The following ERBB4 variants were observed in gnomAD, a reference collection of about 807,000 sequenced individuals.
ERBB4 encodes erb-b2 receptor tyrosine kinase 4, also known as receptor tyrosine-protein kinase erbB-4.
ERBB4 carries 42 observed loss-of-function variants against 158.0 expected under a neutral mutation model. The ratio of observed to expected loss-of-function variants is 0.27; its 90% CI spans 0.21 to 0.34. ERBB4 has a LOEUF of 0.34. Ranked by LOEUF, ERBB4 falls within the 10% of genes least tolerant of loss-of-function variation. ERBB4 has a pLI of 1.00. For synonymous variants in ERBB4, 583 were observed against 558.7 expected (o/e 1.04, Z -0.61); for missense variants, 1,333 against 1,624.1 (o/e 0.82, Z 3.08).
chr2:212,296,457 T>A (rs1195381597), intron 1 of ERBB4, among the ~76,000 whole-genome samples: 1 of 151,924 alleles, frequency 6.6e-6, no homozygotes, highest in Non-Finnish European at 1.5e-5. Flanking sequence ...AGTTCTTCAG[T>A]AATGTAAAGA....
chr2:212,334,586 C>T (rs2088338879), intron 1 of ERBB4, among the ~76,000 whole-genome samples: 1 of 151,978 alleles, frequency 6.6e-6, no homozygotes, highest in African/African-American at 2.4e-5. Flanking sequence ...TAGCACTCAT[C>T]ATATTGCATT....
chr2:211,590,881 T>G (rs895545209), intron 19 of ERBB4, among the ~76,000 whole-genome samples: 7 of 152,238 alleles, frequency 4.6e-5, no homozygotes, highest in Non-Finnish European at 8.8e-5. Flanking sequence ...GAAAACTTGC[T>G]ATCTTGTTAT....
intron 5 of ERBB4, among the ~76,000 whole-genome samples, chr2:211,745,073 AAAGTT>A (rs2074922725): frequency 6.6e-6 from 1 of 152,196 alleles, no homozygotes; most frequent in Admixed American, 6.5e-5. Flanking sequence ...TGATTTTTTA[AAAGTT>A]AAGTCAGGGT....
chr2:211,981,511 C>G (rs946525917), intron 2 of ERBB4, among the ~76,000 whole-genome samples: 5 of 152,180 alleles, frequency 3.3e-5, no homozygotes, highest in Admixed American at 3.3e-4. Context: ...GAATCTGTCT[C>G]TGGCCTCTAC....
intron 19 of ERBB4, among the ~76,000 whole-genome samples, chr2:211,575,571 G>A (rs1365189197): frequency 6.6e-6 from 1 of 152,162 alleles, no homozygotes; most frequent in African/African-American, 2.4e-5. Flanking sequence ...TGGGAAAGTA[G>A]TATGCATTTG....
At chr2:212,239,990 C>T (rs2084023349) in intron 1 of ERBB4, among the ~76,000 whole-genome samples, 1 of 152,022 alleles carries the variant, frequency 6.6e-6, no homozygotes, top group African/African-American at 2.4e-5. Flanking sequence ...TTCTAAAATC[C>T]AAATCTTAGA....
chr2:211,579,718 T>C lies in ERBB4; in HGVS notation c.2302-17630A>G, dbSNP rs563187513. 2.0e-5 allele frequency among the ~76,000 whole-genome samples: 3 copies of C among 152,082 alleles called. No homozygotes were observed. In the East Asian group the frequency reaches 5.8e-4, roughly 30 times the overall value. On this transcript the variant is annotated intron_variant, in intron 19 of 27. Coordinates refer to ENST00000342788, the MANE Select transcript of ERBB4 (RefSeq NM_005235.3). The stretch of plus-strand genomic sequence containing the variant: ...CAACAACAGAAAACCAAATACTGCA[T>C]GTTCTCACTTATAAGTGGGATCTGA...
At chr2:211,625,356 G>A (rs1193174847) in intron 17 of ERBB4, among the ~76,000 whole-genome samples, 1 of 152,076 alleles carries the variant, frequency 6.6e-6, no homozygotes, top group African/African-American at 2.4e-5. Flanking sequence ...CCTGCAGCTT[G>A]GGTATGAATT....
intron 27 of ERBB4, among the ~76,000 whole-genome samples, chr2:211,385,521 CATTT>C (rs2062666930): frequency 6.6e-6 from 1 of 152,090 alleles, no homozygotes. Flanking sequence ...TGTATGAAAA[CATTT>C]ATAAGGAATG....
intron 1 of ERBB4, among the ~76,000 whole-genome samples, chr2:212,379,675 A>G (rs2106407809): frequency 6.6e-6 from 1 of 151,768 alleles, no homozygotes; most frequent in Admixed American, 6.6e-5. Context: ...TCAAGTGGAA[A>G]TTATCATAAC....
chr2:211,460,400 T>G (rs2064499702), intron 20 of ERBB4, among the ~76,000 whole-genome samples: 1 of 152,198 alleles, frequency 6.6e-6, no homozygotes, highest in Non-Finnish European at 1.5e-5. Context: ...ATGAATACAT[T>G]TTTTGTTGAA....
chr2:211,788,835 A>G (rs931384707), intron 3 of ERBB4, among the ~76,000 whole-genome samples: 2 of 152,222 alleles, frequency 1.3e-5, no homozygotes, highest in African/African-American at 4.8e-5. Flanking sequence ...AAATGTTGTC[A>G]TCTCAAATGA....
intron 8 of ERBB4, among the ~76,000 whole-genome samples, chr2:211,713,281 T>A (rs544445589): frequency 6.6e-6 from 1 of 152,290 alleles, no homozygotes; most frequent in East Asian, 1.9e-4. Context: ...AACAGGCAAC[T>A]TTATTTCTGA....
chr2:211,774,499 G>A lies in ERBB4; in HGVS notation c.556+13526C>T, dbSNP rs192469495. On this transcript the variant is annotated intron_variant, in intron 4 of 27. Coordinates refer to ENST00000342788, the MANE Select transcript of ERBB4 (RefSeq NM_005235.3). ...TATTTGTTTATATCCGCCTCTTCAC[G>A]GATAGGTCAATTTCACTGGTTAAAA... 3.4e-4 allele frequency among the ~76,000 whole-genome samples: 51 copies of A among 152,192 alleles called. No individual in the cohort carries two copies. In the East Asian group the frequency reaches 8.1e-3, roughly 24 times the overall value.
intron 16 of ERBB4, 197 bp downstream of exon 16, chr2:211,657,557 A>G (rs757740088): frequency 2.5e-5 from 15 of 599,804 alleles, no homozygotes; most frequent in Non-Finnish European, 4.5e-5. Flanking sequence ...GGACTCTTGT[A>G]TCACAATGAA....
chr2:211,573,527 G>A (rs1485742350), intron 19 of ERBB4, among the ~76,000 whole-genome samples: 6 of 151,882 alleles, frequency 4.0e-5, no homozygotes, highest in African/African-American at 1.2e-4. Context: ...AAAATTAGCC[G>A]GGCATGGTGG....
At chr2:211,502,642 T>A (rs532121538) in intron 20 of ERBB4, among the ~76,000 whole-genome samples, 1 of 152,166 alleles carries the variant, frequency 6.6e-6, no homozygotes. Flanking sequence ...ATATTCTTTA[T>A]ATCTAGAAAC....
chr2:212,137,256 A>G (rs1468494719), intron 1 of ERBB4, among the ~76,000 whole-genome samples: 1 of 152,130 alleles, frequency 6.6e-6, no homozygotes, highest in Non-Finnish European at 1.5e-5. Flanking sequence ...GGTTTGTTGT[A>G]CAGATTATTT....
At chr2:212,486,966 A>G (rs977498072) in intron 1 of ERBB4, among the ~76,000 whole-genome samples, 9 of 152,210 alleles carry the variant, frequency 5.9e-5, no homozygotes, top group African/African-American at 1.7e-4. Flanking sequence ...TCTTAAAACA[A>G]TAGTACAGAG....
Sources: allele counts gnomAD v4.1 joint callset (sites outside exome capture counted in the v4.1 genomes callset), GRCh38; gene constraint gnomAD v4.1.1; transcripts MANE v1.5; gene names NCBI Gene and HGNC (gene_info 2026-07-23, HGNC 2026-07-21).